Variants in PHKB observed in about 807,000 individuals in gnomAD.
The protein encoded by PHKB is phosphorylase kinase regulatory subunit beta.
In PHKB, 122 loss-of-function variants were observed where a neutral mutation model predicts 152.1. The ratio of observed to expected loss-of-function variants is 0.80; its 90% CI spans 0.69 to 0.93. The LOEUF (loss-of-function observed/expected upper bound fraction) is 0.93, where lower values mean the gene tolerates loss of function less well. Among genes scored for constraint, PHKB ranks in the 40% least tolerant of loss-of-function variants. The probability of loss-of-function intolerance (pLI) is 0.00; values close to 1 mark genes in which losing one functional copy is unlikely to be tolerated. For missense variants in PHKB, 1,304 were observed against 1,328.4 expected (o/e 0.98, Z 0.29); for synonymous variants, 436 against 464.9 (o/e 0.94, Z 0.80).
intron 7 of PHKB, 130 bp downstream of exon 7, chr16:47,547,678 A>T: frequency 1.5e-6 from 1 of 655,298 alleles, no homozygotes; most frequent in South Asian, 1.7e-5. Flanking sequence ...TCTACCTATG[A>T]TGCAGATGGA....
intron 26 of PHKB, among the ~76,000 whole-genome samples, chr16:47,674,149 GCCAGA>G (rs1973684921): frequency 6.6e-6 from 1 of 151,314 alleles, no homozygotes; most frequent in African/African-American, 2.4e-5. Context: ...TGTGCCAGAT[GCCAGA>G]TTTTTTTTTT....
chr16:47,566,324 A>G, intron 7 of PHKB: 1 of 1,271,488 alleles, frequency 7.9e-7, no homozygotes, highest in South Asian at 1.2e-5. Context: ...TTTTGTCATA[A>G]TCCCCATTTC....
At chr16:47,504,750 A>G (rs117995426) in intron 4 of PHKB, among the ~76,000 whole-genome samples, 3 of 152,334 alleles carry the variant, frequency 2.0e-5, no homozygotes, top group African/African-American at 7.2e-5. Flanking sequence ...AACTCATGTG[A>G]GTGAGTCAGT....
intron 1 of PHKB, among the ~76,000 whole-genome samples, chr16:47,488,180 C>T (rs1970082305): frequency 6.6e-6 from 1 of 152,252 alleles, no homozygotes; most frequent in Admixed American, 6.5e-5. Flanking sequence ...TTGCATTTCT[C>T]TAATAATTTG....
intron 1 of PHKB, among the ~76,000 whole-genome samples, chr16:47,471,462 A>C (rs1045386705): frequency 6.6e-6 from 1 of 152,148 alleles, no homozygotes; most frequent in African/African-American, 2.4e-5. Context: ...GAAGGTGACA[A>C]AAAGGCGGGG....
chr16:47,483,034 CTTTTT>C (rs35429055), intron 1 of PHKB, among the ~76,000 whole-genome samples: 4 of 91,850 alleles, frequency 4.4e-5, no homozygotes, highest in Admixed American at 1.5e-4. Context: ...TAAATAATTT[CTTTTT>C]TTTTTTTTTT....
Position 47,699,845 on chromosome 16 carries a change from G to A in PHKB, c.*479G>A. ...AATATACATCATAAAAGCAAAGTCA[G>A]CCAGCTGATATTTTGGTTCTCAAAA... On this transcript the variant is annotated 3_prime_UTR_variant, in exon 31 of 31. Coordinates refer to ENST00000323584, the MANE Select transcript of PHKB (RefSeq NM_000293.3). 1 of 175,812 alleles carries A rather than the reference G, an allele frequency of 5.7e-6. No individual in the cohort carries two copies. The highest frequency in any genetic ancestry group is 1.2e-5 in the Non-Finnish European group (1 of 81,166). 10.9% of individuals were successfully genotyped at this position (175,812 alleles called of 1,614,324 possible).
intron 7 of PHKB, among the ~76,000 whole-genome samples, chr16:47,564,276 A>G (rs958254728): frequency 2.0e-5 from 3 of 151,966 alleles, no homozygotes; most frequent in African/African-American, 7.3e-5. Context: ...ATATCGTACT[A>G]ACTTTCATTC....
chr16:47,472,510 C>T (rs1475568375), intron 1 of PHKB, among the ~76,000 whole-genome samples: 1 of 152,032 alleles, frequency 6.6e-6, no homozygotes, highest in Non-Finnish European at 1.5e-5. Context: ...AGGCTGGGTG[C>T]GGTGGCTCAC....
chr16:47,470,347 A>C (rs774907089), intron 1 of PHKB, among the ~76,000 whole-genome samples: 5 of 152,226 alleles, frequency 3.3e-5, no homozygotes, highest in Non-Finnish European at 7.3e-5. Context: ...CAGCAGGAGC[A>C]TGTCTTTAAG....
At chr16:47,653,571 G>A (rs1487588360) in intron 20 of PHKB, among the ~76,000 whole-genome samples, 1 of 151,802 alleles carries the variant, frequency 6.6e-6, no homozygotes, top group Admixed American at 6.6e-5. Context: ...ATCATTTTTG[G>A]GATTTTAGGA....
chr16:47,647,704 A>T (rs1291145972), intron 16 of PHKB, among the ~76,000 whole-genome samples: 1 of 151,608 alleles, frequency 6.6e-6, no homozygotes, highest in Non-Finnish European at 1.5e-5. Flanking sequence ...TCACCATGTT[A>T]GCCAGGGTGG....
intron 25 of PHKB, chr16:47,665,960 A>G (rs1131068): frequency 1.2e-6 from 2 of 1,613,954 alleles, no homozygotes; most frequent in South Asian, 1.1e-5. Context: ...TACGCCGTGC[A>G]GCAAGTCTTT....
At chr16:47,585,785 G>A (rs1458818234) in intron 8 of PHKB, among the ~76,000 whole-genome samples, 2 of 152,022 alleles carry the variant, frequency 1.3e-5, no homozygotes, top group African/African-American at 2.4e-5. Flanking sequence ...ATTTATTTAC[G>A]GCCAGAAAAT....
chr16:47,464,052 A>G, intron 1 of PHKB: 3 of 1,086,808 alleles, frequency 2.8e-6, no homozygotes, highest in Non-Finnish European at 2.9e-6. Context: ...TTGTTTCTGA[A>G]GGTTGATTTC....
chr16:47,697,233 G>A (rs543916217), intron 29 of PHKB, among the ~76,000 whole-genome samples: 5 of 152,310 alleles, frequency 3.3e-5, no homozygotes, highest in African/African-American at 9.6e-5. Context: ...GAAGCTCTGT[G>A]TGACTGCCAA....
At chr16:47,664,061 T>C in intron 24 of PHKB, 1 of 321,612 alleles carries the variant, frequency 3.1e-6, no homozygotes, top group Non-Finnish European at 5.8e-6. Context: ...AAACCTGTTC[T>C]GCTATTATAG....
At chr16:47,665,488 CTCTAATCCAGAGATTTGGTTA>C (rs1973522305) in intron 25 of PHKB, 2 of 253,606 alleles carry the variant, frequency 7.9e-6, no homozygotes, top group Admixed American at 5.2e-5. Context: ...TAAGTGAATC[CTCTAATCCAGAGATTTGGTTA>C]TCTAGGCACC....
intron 20 of PHKB, among the ~76,000 whole-genome samples, chr16:47,653,178 G>T (rs573465241): frequency 1.3e-5 from 2 of 152,066 alleles, no homozygotes; most frequent in Non-Finnish European, 2.9e-5. Flanking sequence ...ATGACCAAAG[G>T]ACATAAACTT....
Sources: allele counts gnomAD v4.1 joint callset (sites outside exome capture counted in the v4.1 genomes callset), GRCh38; gene constraint gnomAD v4.1.1; transcripts MANE v1.5; gene names NCBI Gene and HGNC (gene_info 2026-07-23, HGNC 2026-07-21).